Variants in OPCML observed in about 807,000 individuals in gnomAD.
OPCML encodes the protein opioid-binding protein/cell adhesion molecule.
In OPCML, 13 loss-of-function variants were observed where a neutral mutation model predicts 37.8. The ratio of observed to expected loss-of-function variants is 0.34; its 90% CI spans 0.22 to 0.55. OPCML has a LOEUF of 0.55. OPCML is among the 20% of genes least tolerant of loss of function. The pLI is 0.91. For missense variants in OPCML, 341 were observed against 435.6 expected, an observed-to-expected ratio of 0.78 and a Z score of 1.93; for synonymous variants, 176 against 168.8, an observed-to-expected ratio of 1.04 and a Z score of -0.33.
chr11:133,071,522 G>T (rs1165891897), intron 1 of OPCML, among the ~76,000 whole-genome samples: 1 of 152,154 alleles, frequency 6.6e-6, no homozygotes, highest in Non-Finnish European at 1.5e-5. Context: ...AATAGCAGGG[G>T]CTTAAGGAAA....
At chr11:132,986,904 G>T (rs1027258810) in intron 1 of OPCML, among the ~76,000 whole-genome samples, 1 of 152,144 alleles carries the variant, frequency 6.6e-6, no homozygotes, top group African/African-American at 2.4e-5. Flanking sequence ...TCTTGAAAAA[G>T]TTGAACGTTT....
At chr11:133,065,474 AG>A (rs1375607260) in intron 1 of OPCML, 1 of 152,228 alleles carries the variant, frequency 6.6e-6, no homozygotes, top group East Asian at 1.9e-4. Flanking sequence ...GAGCCCAGCA[AG>A]GGCTGTAAAC....
At chr11:132,775,717 C>A (rs1946785684) in intron 2 of OPCML, among the ~76,000 whole-genome samples, 1 of 152,196 alleles carries the variant, frequency 6.6e-6, no homozygotes, top group Non-Finnish European at 1.5e-5. Context: ...GGGCATCCTG[C>A]AGAGGCTCCT....
chr11:132,920,465 C>T (rs1206795066), intron 2 of OPCML, among the ~76,000 whole-genome samples: 1 of 152,142 alleles, frequency 6.6e-6, no homozygotes, highest in Non-Finnish European at 1.5e-5. Flanking sequence ...TGAAAAGCTA[C>T]ATCAGTTAAA....
intron 1 of OPCML, among the ~76,000 whole-genome samples, chr11:133,207,595 TAGC>T (rs1035909656): frequency 1.6e-4 from 24 of 152,326 alleles, no homozygotes; most frequent in African/African-American, 5.8e-4. Context: ...GGGCTAGGGT[TAGC>T]AGAACTAGAT....
intron 7 of OPCML, among the ~76,000 whole-genome samples, chr11:132,421,598 G>T (rs943935597): frequency 1.3e-5 from 2 of 152,144 alleles, no homozygotes; most frequent in African/African-American, 4.8e-5. Flanking sequence ...ATCTTAACAT[G>T]AATACCTTTT....
chr11:133,526,951 G>A (rs778365382), intron 1 of OPCML, among the ~76,000 whole-genome samples: 2 of 152,218 alleles, frequency 1.3e-5, no homozygotes, highest in Non-Finnish European at 2.9e-5. Flanking sequence ...CACTGCTCCT[G>A]ACAGCCTGGC....
chr11:133,150,077 C>A (rs1403198957), intron 1 of OPCML, among the ~76,000 whole-genome samples: 1 of 152,260 alleles, frequency 6.6e-6, no homozygotes, highest in Non-Finnish European at 1.5e-5. Flanking sequence ...GGGCCAGGCC[C>A]AGGCCACAGC....
At chr11:132,973,351 C>T (rs541753349) in intron 1 of OPCML, among the ~76,000 whole-genome samples, 1 of 152,310 alleles carries the variant, frequency 6.6e-6, no homozygotes, top group South Asian at 2.1e-4. Flanking sequence ...CGTCAGCTTG[C>T]TTCTCCAATT....
intron 1 of OPCML, 136 bp downstream of exon 1, chr11:133,532,128 C>T (rs1242033415): frequency 5.0e-6 from 7 of 1,407,868 alleles, no homozygotes; most frequent in Non-Finnish European, 5.8e-6. Context: ...GCAAGCCTAC[C>T]TCTTTCACTC....
intron 3 of OPCML, among the ~76,000 whole-genome samples, chr11:132,568,064 G>T (rs1330713922): frequency 6.6e-6 from 1 of 151,814 alleles, no homozygotes; most frequent in Non-Finnish European, 1.5e-5. Context: ...GTGTGTGTGT[G>T]TGTGTTTGAT....
At chr11:133,035,455 C>T (rs558421470) in intron 1 of OPCML, among the ~76,000 whole-genome samples, 1 of 152,154 alleles carries the variant, frequency 6.6e-6, no homozygotes, top group Non-Finnish European at 1.5e-5. Flanking sequence ...AGACTCCTCA[C>T]ATAAAAAAGG....
intron 1 of OPCML, among the ~76,000 whole-genome samples, chr11:133,109,106 T>C (rs949396839): frequency 3.9e-5 from 6 of 152,150 alleles, no homozygotes; most frequent in Non-Finnish European, 8.8e-5. Flanking sequence ...GCTCACAAAG[T>C]TTTCCTTCTG....
intron 4 of OPCML, among the ~76,000 whole-genome samples, chr11:132,477,050 G>T (rs1189571654): frequency 6.6e-6 from 1 of 152,116 alleles, no homozygotes; most frequent in Non-Finnish European, 1.5e-5. Context: ...GCTTTTATAA[G>T]ATTTTTAAAC....
At chr11:133,011,482 A>G (rs1947212648) in intron 1 of OPCML, among the ~76,000 whole-genome samples, 1 of 152,200 alleles carries the variant, frequency 6.6e-6, no homozygotes, top group African/African-American at 2.4e-5. Context: ...CCGAGATTCC[A>G]TGATTTTACC....
At chr11:133,437,827 G>A (rs190360408) in intron 1 of OPCML, among the ~76,000 whole-genome samples, 3 of 152,118 alleles carry the variant, frequency 2.0e-5, no homozygotes, top group South Asian at 4.2e-4. Context: ...CAGCAAAACT[G>A]AATGCTACCA....
chr11:132,471,759 T>C (rs73585038), intron 4 of OPCML, among the ~76,000 whole-genome samples: 10,938 of 152,232 alleles, frequency 0.072, 1,203 homozygotes, highest in African/African-American at 0.23. Context: ...CACTCTTTAT[T>C]GAGCAACTCC....
At chr11:132,973,562 C>T (rs1249866524) in intron 1 of OPCML, among the ~76,000 whole-genome samples, 1 of 152,198 alleles carries the variant, frequency 6.6e-6, no homozygotes, top group African/African-American at 2.4e-5. Flanking sequence ...TCATCAAATT[C>T]CAAGCCTGGG....
At chr11:132,705,281 A>G (rs113599975) in intron 2 of OPCML, among the ~76,000 whole-genome samples, 2,589 of 151,884 alleles carry the variant, frequency 0.017, 72 homozygotes, top group African/African-American at 0.059. Context: ...AGTTCTCGGG[A>G]GTTCTGGTCG....
Sources: allele counts gnomAD v4.1 joint callset (sites outside exome capture counted in the v4.1 genomes callset), GRCh38; gene constraint gnomAD v4.1.1; transcripts MANE v1.5; gene names NCBI Gene and HGNC (gene_info 2026-07-23, HGNC 2026-07-21).